Variants in CLDN11 observed in about 807,000 individuals in gnomAD.
The protein encoded by CLDN11 is claudin-11.
In CLDN11, 1 loss-of-function variant was observed where a neutral mutation model predicts 18.0. That is an observed-to-expected ratio of 0.06 (90% confidence interval 0.02 to 0.26). The LOEUF (loss-of-function observed/expected upper bound fraction) is 0.26. CLDN11 is among the 10% of genes least tolerant of loss of function. The pLI is 1.00. For missense variants in CLDN11, 172 were observed against 276.6 expected, an observed-to-expected ratio of 0.62 and a Z score of 2.68; for synonymous variants, 116 against 121.5, an observed-to-expected ratio of 0.96 and a Z score of 0.30.
At chr3:170,425,321 T>G (rs1048910602) in intron 2 of CLDN11, among the ~76,000 whole-genome samples, 2 of 152,184 alleles carry the variant, frequency 1.3e-5, no homozygotes, top group Non-Finnish European at 2.9e-5. Context: ...TGTTGAGTGC[T>G]CATGTTTAGA....
chr3:170,424,017 C>CA (rs1188135286), intron 2 of CLDN11, among the ~76,000 whole-genome samples: 3 of 69,604 alleles, frequency 4.3e-5, no homozygotes, highest in Non-Finnish European at 8.1e-5. Flanking sequence ...TGACAGAGTG[C>CA]AACTCCAAAA....
intron 2 of CLDN11, among the ~76,000 whole-genome samples, chr3:170,429,110 C>G (rs1738938613): frequency 6.6e-6 from 1 of 152,210 alleles, no homozygotes; most frequent in Non-Finnish European, 1.5e-5. Flanking sequence ...AAACATATCT[C>G]TTTCTCTCTT....
chr3:170,426,959 T>G (rs1226435094), intron 2 of CLDN11, among the ~76,000 whole-genome samples: 3 of 152,148 alleles, frequency 2.0e-5, no homozygotes, highest in Non-Finnish European at 4.4e-5. Context: ...TTTTTGTATT[T>G]TTTGTAGAGA....
At chr3:170,432,495 C>T (rs1739023526) in intron 2 of CLDN11, 29 bp from the exon 3 acceptor site, 3 of 1,609,040 alleles carry the variant, frequency 1.9e-6, no homozygotes, top group African/African-American at 2.7e-5. Flanking sequence ...ATGGTTGCGC[C>T]CAGTCACCGC....
chr3:170,432,964 A>G lies in CLDN11; in HGVS notation c.*208A>G. On this transcript the variant is annotated 3_prime_UTR_variant, in exon 3 of 3. Coordinates refer to ENST00000064724, the MANE Select transcript of CLDN11 (RefSeq NM_005602.6). ...TTAAAAGAAATCTCTAGCTCAGATA[A>G]TGCCCAGACATTTTTTTCCCTTGGT... 1.8e-6 allele frequency: 1 copy of G among 559,962 alleles called. No homozygotes were observed. Among genetic ancestry groups the G allele is most frequent in the Non-Finnish European group, 3.2e-6 (1 of 313,994 alleles). 34.7% of individuals were successfully genotyped at this position (559,962 alleles called of 1,614,324 possible).
At chr3:170,430,855 T>C (rs1738985831) in intron 2 of CLDN11, among the ~76,000 whole-genome samples, 1 of 152,178 alleles carries the variant, frequency 6.6e-6, no homozygotes, top group South Asian at 2.1e-4. Flanking sequence ...CAATTTTAGC[T>C]TCTTAGATAA....
At chr3:170,423,073 G>A (rs1738761005) in intron 1 of CLDN11, 90 bp from the exon 2 acceptor site, 1 of 1,354,256 alleles carries the variant, frequency 7.4e-7, no homozygotes, top group South Asian at 1.2e-5. Flanking sequence ...GAAGGAGGAA[G>A]GGAGATGGTG....
In CLDN11 at chr3:170,419,872, T is replaced by C. The variant is rs1336606871; in HGVS notation, c.226+580T>C. Among the ~76,000 whole-genome samples the C allele has an allele frequency of 2.0e-5, 3 of 152,216 alleles. No individual in the cohort carries two copies. The highest frequency in any genetic ancestry group is 7.2e-5 in the African/African-American group (3 of 41,472). ...TCCAGGGCTCTCTGGGCTGCCTGGT[T>C]TGGGAAATGTCACGTTGATTCCCGC... is the stretch of plus-strand genomic sequence containing the variant. On this transcript the variant is annotated intron_variant, in intron 1 of 2. Coordinates refer to ENST00000064724, the MANE Select transcript of CLDN11 (RefSeq NM_005602.6). The surrounding 1 kb of genome is among the most constrained non-coding windows in gnomAD (Gnocchi z 8.6).
chr3:170,426,429 G>A (rs1189418114), intron 2 of CLDN11, among the ~76,000 whole-genome samples: 3 of 152,156 alleles, frequency 2.0e-5, no homozygotes, highest in Admixed American at 2.0e-4. Flanking sequence ...ATCTGTTTGT[G>A]GCTTTTCAAG....
chr3:170,423,039 C>T, intron 1 of CLDN11, 124 bp from the exon 2 acceptor site: 1 of 1,030,418 alleles, frequency 9.7e-7, no homozygotes, highest in Non-Finnish European at 1.5e-6. Context: ...ACATTAGCAC[C>T]TTCTAAGTCC....
rs766834625 is a variant in CLDN11 at position 170,423,207 on chromosome 3, C to G, written c.271C>G (p.Leu91Val). The change falls in exon 2 of 3, where the codon CTG becomes GTG. Residue 91 changes from leucine (L) to valine (V), a missense_variant. Physicochemically the swap from Leu to Val is conservative, Grantham distance 32. This residue lies in a region of CLDN11 where 161 missense variants were observed against 240.3 expected (regional missense o/e 0.67). Coordinates refer to ENST00000064724, the MANE Select transcript of CLDN11 (RefSeq NM_005602.6). Reference protein sequence around the residue: ...CRALMIAASVLGLPAILLLLT... With the variant: ...CRALMIAASVVGLPAILLLLT... ...CGCCCTGATGATTGCTGCCTCGGTC[C>G]TGGGTCTGCCGGCCATTTTACTGCT... 1.2e-6 allele frequency: 2 copies of G among 1,614,098 alleles called. No homozygotes were observed. The highest frequency in any genetic ancestry group is 1.7e-6 in the Non-Finnish European group (2 of 1,180,050).
intron 1 of CLDN11, among the ~76,000 whole-genome samples, chr3:170,421,930 G>T (rs537034281): frequency 1.3e-5 from 2 of 151,994 alleles, no homozygotes; most frequent in Non-Finnish European, 2.9e-5. Flanking sequence ...TCCTTGATTC[G>T]CAATTGTTTC....
At position 170,419,419 on chromosome 3, in the gene CLDN11, G is replaced by A. The variant is rs1738666464; in HGVS notation, c.226+127G>A. 3.1e-6 allele frequency: 2 copies of A among 635,860 alleles called. No homozygotes were observed. Among genetic ancestry groups the A allele is most frequent in the African/African-American group, 1.8e-5 (1 of 54,502 alleles). The allele number at this position is 635,860 out of a possible 1,614,324, so 39.4% of individuals were successfully genotyped here. ...TTTGGGTACGTTTTTGACATCCCTA[G>A]TCCCACCTTGTTGTAAAAGAATTAG... On this transcript the variant is annotated intron_variant, in intron 1 of 2. Transcript: ENST00000064724. The surrounding 1 kb of genome is among the most constrained non-coding windows in gnomAD (Gnocchi z 8.6).
chr3:170,420,702 T>C (rs1371163739), intron 1 of CLDN11, among the ~76,000 whole-genome samples: 1 of 152,182 alleles, frequency 6.6e-6, no homozygotes, highest in Non-Finnish European at 1.5e-5. Context: ...CCTTACGCTA[T>C]CCTTTCCTTC....
At chr3:170,422,053 G>A (rs894323744) in intron 1 of CLDN11, among the ~76,000 whole-genome samples, 2 of 152,222 alleles carry the variant, frequency 1.3e-5, no homozygotes, top group African/African-American at 4.8e-5. Flanking sequence ...GACAGTTGGG[G>A]AAGGATGCCC....
chr3:170,428,856 T>C (rs530322466), intron 2 of CLDN11, among the ~76,000 whole-genome samples: 2 of 152,368 alleles, frequency 1.3e-5, no homozygotes, highest in South Asian at 2.1e-4. Context: ...AAATTCCCTT[T>C]GTCTGTCTTC....
At position 170,434,160 on chromosome 3, in the gene CLDN11, A is replaced by G. The variant is rs1739077821; in HGVS notation, c.*1404A>G. ...ATTATTGATTTAAAAAAATCTCATTAATCTCTACTGGTAATTTATAGGGAA... is the reference window on the plus strand; with the variant it reads ...ATTATTGATTTAAAAAAATCTCATTGATCTCTACTGGTAATTTATAGGGAA... On this transcript the variant is annotated 3_prime_UTR_variant, in exon 3 of 3. Transcript: ENST00000064724. 1 of 152,662 alleles carries G rather than the reference A, an allele frequency of 6.6e-6. No individual in the cohort carries two copies. The highest frequency in any genetic ancestry group is 2.4e-5 in the African/African-American group (1 of 41,448). The allele number at this position is 152,662 out of a possible 1,614,324, so 9.5% of individuals were successfully genotyped here. A position where few individuals can be genotyped will look rare whatever the true frequency, so the allele number is the denominator to read the frequency against.
intron 2 of CLDN11, among the ~76,000 whole-genome samples, chr3:170,428,745 A>G (rs999993947): frequency 4.6e-5 from 7 of 152,328 alleles, no homozygotes; most frequent in Admixed American, 6.5e-5. Context: ...AAGGTAAAAA[A>G]GGAGAAAAAC....
chr3:170,431,302 C>A (rs938412649), intron 2 of CLDN11, among the ~76,000 whole-genome samples: 2 of 152,188 alleles, frequency 1.3e-5, no homozygotes, highest in Non-Finnish European at 2.9e-5. Flanking sequence ...AAACATCAGA[C>A]TGGCAGTGCA....
Sources: allele counts gnomAD v4.1 joint callset (sites outside exome capture counted in the v4.1 genomes callset), GRCh38; gene constraint gnomAD v4.1.1; regional missense constraint gnomAD v4.1.1; non-coding constraint Gnocchi (gnomAD v3.1); transcripts MANE v1.5; gene names NCBI Gene and HGNC (gene_info 2026-07-23, HGNC 2026-07-21).